Variants in SRP54 observed in about 807,000 individuals in gnomAD.
SRP54 encodes the protein signal recognition particle 54.
SRP54 carries 10 observed loss-of-function variants against 64.8 expected under a neutral mutation model. That is an observed-to-expected ratio of 0.15 (90% CI 0.10 to 0.26). The LOEUF (loss-of-function observed/expected upper bound fraction) is 0.26. Ranked by LOEUF, SRP54 falls within the 10% of genes least tolerant of loss-of-function variation. SRP54 has a pLI of 1.00. For missense variants in SRP54, 325 were observed against 613.7 expected (o/e 0.53, Z 4.97); for synonymous variants, 193 against 185.6 (o/e 1.04, Z -0.32).
intron 1 of SRP54, among the ~76,000 whole-genome samples, chr14:34,984,701 C>G (rs2043866762): frequency 6.6e-6 from 1 of 152,074 alleles, no homozygotes; most frequent in East Asian, 1.9e-4. Flanking sequence ...GGGGTTCCAC[C>G]ATGTTGGCCA....
chr14:34,992,771 T>C (rs545421568), intron 1 of SRP54, among the ~76,000 whole-genome samples: 3 of 152,264 alleles, frequency 2.0e-5, no homozygotes, highest in Non-Finnish European at 2.9e-5. Context: ...CATACACATG[T>C]ACCCTCTGAA....
chr14:34,988,877 A>G (rs1425425758), intron 1 of SRP54, among the ~76,000 whole-genome samples: 1 of 152,024 alleles, frequency 6.6e-6, no homozygotes, highest in Non-Finnish European at 1.5e-5. Flanking sequence ...TAGTATTTGC[A>G]TATGACCTAT....
intron 1 of SRP54, among the ~76,000 whole-genome samples, chr14:34,988,373 C>A (rs1325976660): frequency 2.0e-5 from 3 of 150,492 alleles, no homozygotes; most frequent in Non-Finnish European, 4.4e-5. Flanking sequence ...ACCATCCTGG[C>A]CAACATGGTG....
intron 1 of SRP54, among the ~76,000 whole-genome samples, chr14:34,992,584 A>G (rs1304964174): frequency 7.9e-5 from 12 of 152,156 alleles, no homozygotes; most frequent in African/African-American, 2.9e-4. Flanking sequence ...GTGAGAGCTA[A>G]ACATAGGTAC....
chr14:34,999,014 G>GTGTGTGGT (rs2044128296), intron 2 of SRP54, among the ~76,000 whole-genome samples: 1 of 36,664 alleles, frequency 2.7e-5, no homozygotes, highest in Non-Finnish European at 4.8e-5. Context: ...TGTGTGTGTG[G>GTGTGTGGT]TTTTTTTTTT....
chr14:34,986,580 A>T (rs2043898540), intron 1 of SRP54, among the ~76,000 whole-genome samples: 1 of 152,204 alleles, frequency 6.6e-6, no homozygotes, highest in Non-Finnish European at 1.5e-5. Flanking sequence ...TTAGAAAAAG[A>T]TATAAGAAAA....
intron 7 of SRP54, among the ~76,000 whole-genome samples, chr14:35,010,235 G>A (rs965072591): frequency 6.6e-6 from 1 of 151,980 alleles, no homozygotes; most frequent in Admixed American, 6.6e-5. Context: ...ATCACCTGAG[G>A]TCGGGAGTTC....
At chr14:35,007,589 TATA>T (rs1283612268) in intron 5 of SRP54, among the ~76,000 whole-genome samples, 20 of 146,328 alleles carry the variant, frequency 1.4e-4, no homozygotes, top group Admixed American at 3.4e-4. Flanking sequence ...ATATTTATAT[TATA>T]ATAAAATATA....
chr14:35,019,292 GAGTTACAAGGA>G, intron 13 of SRP54: 1 of 368,104 alleles, frequency 2.7e-6, no homozygotes, highest in Non-Finnish European at 5.0e-6. Flanking sequence ...TTCTCCAAAT[GAGTTACAAGGA>G]AAGAACACTA....
In SRP54 at chr14:35,013,358, A is replaced by G. The variant is rs748554500; in HGVS notation, c.649A>G (p.Ile217Val). Residue 217 changes from isoleucine to valine, a missense_variant, in exon 9 of 16, where the codon ATT (isoleucine) becomes GTT (valine). Ile to Val is a conservative substitution (Grantham distance 29). Coordinates refer to ENST00000216774, the MANE Select transcript of SRP54 (RefSeq NM_003136.4). ...TTAAACTTTCTAGCAACCTGATAAC[A>G]TTGTTTATGTGATGGATGCCTCCAT... ...QVANAIQPDN[I>V]VYVMDASIGQ... 31 of 1,613,212 alleles carry G rather than the reference A, an allele frequency of 1.9e-5. No homozygotes were observed. Among genetic ancestry groups the G allele is most frequent in the Middle Eastern group, 1.7e-4 (1 of 6,060 alleles).
intron 4 of SRP54, among the ~76,000 whole-genome samples, chr14:35,004,084 A>C (rs2044220642): frequency 6.6e-6 from 1 of 151,430 alleles, no homozygotes; most frequent in South Asian, 2.1e-4. Context: ...GTCTCTACTA[A>C]ATAAAAAAAA....
Position 35,029,429 on chromosome 14 carries a change from T to C in SRP54, c.*277T>C, listed in dbSNP as rs2044689740. On this transcript the variant is annotated 3_prime_UTR_variant, in exon 16 of 16. Coordinates refer to ENST00000216774, the MANE Select transcript of SRP54 (RefSeq NM_003136.4). ...CCATCATAACACTTAAGTTAAATCA[T>C]GATGTAAAATTTTAGTACTTAAAGG... 7.1e-6 allele frequency: 2 copies of C among 283,382 alleles called. No individual in the cohort carries two copies. Among genetic ancestry groups the C allele is most frequent in the South Asian group, 1.3e-4 (2 of 14,898 alleles). 17.6% of individuals were successfully genotyped at this position (283,382 alleles called of 1,614,324 possible). A position where few individuals can be genotyped will look rare whatever the true frequency, so the allele number is the denominator to read the frequency against.
intron 13 of SRP54, among the ~76,000 whole-genome samples, chr14:35,021,267 T>A (rs1448355030): frequency 6.6e-6 from 1 of 152,158 alleles, no homozygotes; most frequent in African/African-American, 2.4e-5. Context: ...TTCTAAACCA[T>A]GTTAGAAGAG....
intron 13 of SRP54, among the ~76,000 whole-genome samples, chr14:35,019,803 G>A (rs958432266): frequency 6.6e-6 from 1 of 152,178 alleles, no homozygotes. Flanking sequence ...TAAAAGTTAT[G>A]TTTACAAATA....
chr14:35,010,638 G>A (rs1048626448), intron 7 of SRP54, among the ~76,000 whole-genome samples: 4 of 151,774 alleles, frequency 2.6e-5, no homozygotes, highest in Middle Eastern at 3.2e-3. Context: ...GGTGGCAGGC[G>A]CCTGTAATCC....
chr14:35,000,812 A>G (rs1170223405), intron 3 of SRP54, 124 bp from the exon 4 acceptor site: 2 of 445,726 alleles, frequency 4.5e-6, no homozygotes, highest in African/African-American at 4.1e-5. Flanking sequence ...ATGCATGTTA[A>G]TTGGAAGACT....
At chr14:34,986,916 CAA>C in intron 1 of SRP54, among the ~76,000 whole-genome samples, 1 of 151,354 alleles carries the variant, frequency 6.6e-6, no homozygotes, top group East Asian at 2.0e-4. Context: ...CCAGAGATAA[CAA>C]ATGTTATTTT....
chr14:35,023,787 A>AACACACACACACAGACACAC (rs2044574398), intron 14 of SRP54, among the ~76,000 whole-genome samples: 1 of 140,268 alleles, frequency 7.1e-6, no homozygotes, highest in African/African-American at 2.7e-5. Context: ...CCGGTCCCCA[A>AACACACACACACAGACACAC]ACACACACAC....
intron 1 of SRP54, among the ~76,000 whole-genome samples, chr14:34,985,335 C>T (rs1462091147): frequency 6.6e-6 from 1 of 152,198 alleles, no homozygotes; most frequent in African/African-American, 2.4e-5. Context: ...CTCTGACTTT[C>T]AAACCACCTT....
Sources: gnomAD v4.1 joint callset for allele counts (sites outside exome capture counted in the v4.1 genomes callset) on GRCh38, gnomAD v4.1.1 for gene constraint, MANE v1.5 for transcripts, NCBI Gene and HGNC (gene_info 2026-07-23, HGNC 2026-07-21) for gene names.